KLHL24: variants seen among roughly 807,000 people sequenced by gnomAD.
KLHL24 encodes the protein kelch-like protein 24.
In KLHL24, 29 loss-of-function variants were observed where a neutral mutation model predicts 53.4. That is an observed-to-expected ratio of 0.54 (90% CI 0.40 to 0.74). The LOEUF (loss-of-function observed/expected upper bound fraction) is 0.74, where lower values mean the gene tolerates loss of function less well. Among genes scored for constraint, KLHL24 ranks in the 30% least tolerant of loss-of-function variants. The probability of loss-of-function intolerance (pLI) is 0.00; values close to 1 mark genes in which losing one functional copy is unlikely to be tolerated. For synonymous variants in KLHL24, 222 were observed against 253.7 expected, an observed-to-expected ratio of 0.88 and a Z score of 1.19; for missense variants, 504 against 744.0, an observed-to-expected ratio of 0.68 and a Z score of 3.75.
At chr3:183,665,169 A>G in intron 5 of KLHL24, 130 bp downstream of exon 5, 2 of 606,090 alleles carry the variant, frequency 3.3e-6, no homozygotes. Context: ...TTCTAACCTC[A>G]ATAGATAAAC....
chr3:183,674,014 C>T (rs540490424), intron 7 of KLHL24, among the ~76,000 whole-genome samples: 54 of 152,288 alleles, frequency 3.5e-4, no homozygotes, highest in African/African-American at 1.3e-3. Flanking sequence ...CCTTCTTCCC[C>T]AAACCTGTTT....
intron 3 of KLHL24, among the ~76,000 whole-genome samples, chr3:183,654,287 C>T (rs9882822): frequency 0.34 from 50,886 of 151,884 alleles, 9,380 homozygotes; most frequent in African/African-American, 0.49. Context: ...ACTCCTACAT[C>T]TAGTCTGAAA....
chr3:183,657,948 C>T (rs1286925892), intron 3 of KLHL24, among the ~76,000 whole-genome samples: 1 of 152,150 alleles, frequency 6.6e-6, no homozygotes, highest in Non-Finnish European at 1.5e-5. Context: ...CATGGTGGCT[C>T]ACGCCTGTAA....
chr3:183,644,034 CTTTTTTTTTTT>C lies in KLHL24; in HGVS notation c.-62+507_-62+517del, dbSNP rs397955282. On this transcript the variant is annotated intron_variant, in intron 2 of 7. Transcript: ENST00000242810. ...GATGATAGGATAACATTTTTCTTTC[CTTTTTTTTTTT>C]TTTTTTTTTTTTTTGAGACGGAGTC... The C allele has an allele frequency of 3.7e-4, 28 of 76,106 alleles. No homozygotes were observed. In the South Asian group the frequency reaches 5.1e-3, roughly 14 times the overall value. 4.7% of individuals were successfully genotyped at this position (76,106 alleles called of 1,614,324 possible).
chr3:183,677,267 G>T (rs1712049446), intron 7 of KLHL24, among the ~76,000 whole-genome samples: 1 of 152,084 alleles, frequency 6.6e-6, no homozygotes, highest in South Asian at 2.1e-4. Context: ...GTGGGAACTA[G>T]CTTGTACCTG....
rs1215874113 is a variant in KLHL24, at chr3:183,650,679, A to C, written c.323A>C (p.Glu108Ala). Residue 108 changes from glutamate to alanine, a missense_variant, in exon 3 of 8, where the codon GAG becomes GCG. Physicochemically the swap from Glu to Ala is moderately radical, Grantham distance 107 (BLOSUM62 -1). Coordinates refer to ENST00000242810, the MANE Select transcript of KLHL24 (RefSeq NM_017644.3). This position sits in a 1 kb window ranked among gnomAD's most constrained non-coding sequence, Gnocchi z 4.5. ...AGGGAAAGCCGAGAAATGTTGGTTG[A>C]GATCAATGGTATTTTAGCTGAAGCT... ...DHRESREMLVEINGILAEAME... is the reference protein window; with the variant it reads ...DHRESREMLVAINGILAEAME... The C allele has an allele frequency of 6.2e-7, 1 of 1,614,066 alleles. No homozygotes were observed. Among genetic ancestry groups the C allele is most frequent in the Non-Finnish European group, 8.5e-7 (1 of 1,180,010 alleles).
At position 183,650,514 on chromosome 3, in the gene KLHL24, T is replaced by A; in HGVS notation, c.158T>A (p.Leu53His). 6.2e-7 allele frequency: 1 copy of A among 1,614,138 alleles called. No individual in the cohort carries two copies. Among genetic ancestry groups the A allele is most frequent in the Non-Finnish European group, 8.5e-7 (1 of 1,180,008 alleles). Residue 53 changes from leucine (L) to histidine (H), a missense_variant, in exon 3 of 8, where the codon CTC becomes CAC. By Grantham distance (99) the Leu-to-His change is moderately conservative. Transcript: ENST00000242810. The surrounding 1 kb of genome is among the most constrained non-coding windows in gnomAD (Gnocchi z 4.5). ...GGATCATCCCATGCCGAAAACATAC[T>A]CCAGATATTTAATGAATTTCGTGAT... ...SSGSSHAENI[L>H]QIFNEFRDSR...
rs760287671 is a variant in KLHL24, at chr3:183,651,144, A to G, written c.788A>G (p.Asn263Ser). Residue 263 changes from asparagine to serine, a missense_variant, in exon 3 of 8, where the codon AAC (asparagine) becomes AGC (serine). By Grantham distance (46) the Asn-to-Ser change is conservative. Coordinates refer to ENST00000242810, the MANE Select transcript of KLHL24 (RefSeq NM_017644.3). The part of the protein sequence containing the change: ...THVRLPLLHP[N>S]YFVQTVEVDQ... ...GTGAGACTCCCTCTGTTGCATCCCA[A>G]CTACTTTGTTCAAACAGTTGAAGTG... 1.2e-6 allele frequency: 2 copies of G among 1,614,136 alleles called. No homozygotes were observed. Among genetic ancestry groups the G allele is most frequent in the South Asian group, 1.1e-5 (1 of 91,072 alleles).
chr3:183,655,074 A>G lies in KLHL24; in HGVS notation c.920+3798A>G, dbSNP rs536249660. On this transcript the variant is annotated intron_variant, in intron 3 of 7. Coordinates refer to ENST00000242810, the MANE Select transcript of KLHL24 (RefSeq NM_017644.3). ...GCTCTATATCAGCCAGTGTTCCTTT[A>G]GTATCTATTCTGTGCCAAGTATTGT... Among the ~76,000 whole-genome samples the G allele has an allele frequency of 4.6e-5, 7 of 152,346 alleles. No individual in the cohort carries two copies. The South Asian group carries it at 1.4e-3, about 32-fold the overall frequency.
intron 3 of KLHL24, among the ~76,000 whole-genome samples, chr3:183,660,131 CT>C (rs11366516): frequency 0.013 from 1,784 of 135,412 alleles, 20 homozygotes; most frequent in African/African-American, 0.037. Context: ...GTTTTTCTTT[CT>C]TTTTTTTTTT....
At position 183,638,925 on chromosome 3, in the gene KLHL24, G is replaced by GT. The variant is rs1417608328; in HGVS notation, c.-125+3133dup. On this transcript the variant is annotated intron_variant, in intron 1 of 7. Coordinates refer to ENST00000242810, the MANE Select transcript of KLHL24 (RefSeq NM_017644.3). ...TGTTTTAAAAGTAGGCTTTGGCTGG[G>GT]TGCGGTGGCTCACGCCTGTAATCTC... Among the ~76,000 whole-genome samples the GT allele has an allele frequency of 1.1e-4, 16 of 152,380 alleles. No individual in the cohort carries two copies. In the East Asian group the frequency reaches 3.1e-3, roughly 29 times the overall value.
At chr3:183,675,788 GAAAGA>G (rs1269905820) in intron 7 of KLHL24, among the ~76,000 whole-genome samples, 1 of 149,016 alleles carries the variant, frequency 6.7e-6, no homozygotes, top group Non-Finnish European at 1.5e-5. Flanking sequence ...AAAAAAAAAA[GAAAGA>G]AAAAAGAAAA....
At chr3:183,639,826 A>T (rs1716077410) in intron 1 of KLHL24, among the ~76,000 whole-genome samples, 1 of 149,228 alleles carries the variant, frequency 6.7e-6, no homozygotes, top group Non-Finnish European at 1.5e-5. Context: ...CAACATAGTG[A>T]AACCCCCATC....
chr3:183,665,409 C>T (rs556101342), intron 5 of KLHL24, among the ~76,000 whole-genome samples: 160 of 152,214 alleles, frequency 1.1e-3, no homozygotes, highest in Non-Finnish European at 2.0e-3. Flanking sequence ...ATATATTTGT[C>T]CAAAGTCATG....
At chr3:183,647,980 C>G (rs1475598441) in intron 2 of KLHL24, among the ~76,000 whole-genome samples, 1 of 152,166 alleles carries the variant, frequency 6.6e-6, no homozygotes, top group Non-Finnish European at 1.5e-5. Context: ...TACTCTCCAG[C>G]CTGGGCAACA....
chr3:183,670,851 A>G (rs972335964), intron 5 of KLHL24, among the ~76,000 whole-genome samples, 183 bp from the exon 6 acceptor site: 1 of 152,222 alleles, frequency 6.6e-6, no homozygotes, highest in African/African-American at 2.4e-5. Flanking sequence ...GGCTCCGTGG[A>G]TTGTGATGGT....
intron 1 of KLHL24, among the ~76,000 whole-genome samples, chr3:183,637,021 C>A (rs553176107): frequency 6.6e-6 from 1 of 152,144 alleles, no homozygotes. Context: ...GGAAGTCCTG[C>A]GAACACGTTG....
intron 1 of KLHL24, chr3:183,643,083 AGCTGG>A (rs751215924): frequency 6.6e-6 from 1 of 152,230 alleles, no homozygotes; most frequent in Non-Finnish European, 1.5e-5. Context: ...ATACAAAATT[AGCTGG>A]GCATGGCGGC....
intron 7 of KLHL24, among the ~76,000 whole-genome samples, chr3:183,676,448 C>T (rs1369609233): frequency 3.9e-5 from 6 of 152,156 alleles, no homozygotes; most frequent in Non-Finnish European, 8.8e-5. Flanking sequence ...ATTGTTTACC[C>T]TTTTAATGCC....
Sources: gnomAD v4.1 joint callset for allele counts (sites outside exome capture counted in the v4.1 genomes callset) on GRCh38, gnomAD v4.1.1 for gene constraint, Gnocchi (gnomAD v3.1) non-coding constraint, MANE v1.5 for transcripts, NCBI Gene and HGNC (gene_info 2026-07-23, HGNC 2026-07-21) for gene names.